Variants in CDH13 observed in about 807,000 individuals in gnomAD.
The protein encoded by CDH13 is cadherin-13.
Under a neutral mutation model 63.8 loss-of-function variants are expected in CDH13, and 24 were observed. The observed-to-expected ratio is 0.38, with a 90% CI of 0.27 to 0.53. The LOEUF (loss-of-function observed/expected upper bound fraction) is 0.53, where lower values mean the gene tolerates loss of function less well. CDH13 is among the 20% of genes least tolerant of loss of function. The pLI is 0.85. For missense variants in CDH13, 1,049 were observed against 903.1 expected, an observed-to-expected ratio of 1.16 and a Z score of -2.07; for synonymous variants, 503 against 355.3, an observed-to-expected ratio of 1.42 and a Z score of -4.67.
intron 2 of CDH13, among the ~76,000 whole-genome samples, chr16:83,025,728 G>A (rs1305250279): frequency 2.0e-5 from 3 of 152,080 alleles, no homozygotes; most frequent in African/African-American, 7.2e-5. Flanking sequence ...TCCCTTTCTT[G>A]GGGCACGGAA....
rs141065709 is a variant in CDH13, at chr16:83,693,153, G to A, written c.1538+14692G>A. ...GCCAGACTAGTGCCAGACTTCCTGA[G>A]CACAAATCCCCACTTGTCCATCTTC... On this transcript the variant is annotated intron_variant, in intron 10 of 13. Coordinates refer to ENST00000567109, the MANE Select transcript of CDH13 (RefSeq NM_001257.5). Among the ~76,000 whole-genome samples, 3 of 152,310 alleles carry A rather than the reference G, an allele frequency of 2.0e-5. No homozygotes were observed. In the East Asian group the frequency reaches 5.8e-4, roughly 29 times the overall value.
At chr16:82,838,144 C>G (rs1385211421) in intron 1 of CDH13, among the ~76,000 whole-genome samples, 4 of 152,228 alleles carry the variant, frequency 2.6e-5, no homozygotes, top group Non-Finnish European at 5.9e-5. Context: ...CCTGAGTTCT[C>G]CATGACCAAG....
intron 3 of CDH13, among the ~76,000 whole-genome samples, chr16:83,104,420 C>T (rs1567833239): frequency 6.6e-6 from 1 of 151,992 alleles, no homozygotes; most frequent in African/African-American, 2.4e-5. Flanking sequence ...AAACACAGAG[C>T]AGAGAGAAGA....
intron 5 of CDH13, among the ~76,000 whole-genome samples, chr16:83,271,351 C>T (rs1447326152): frequency 5.8e-5 from 8 of 138,176 alleles, no homozygotes; most frequent in African/African-American, 2.2e-4. Context: ...CTTATCCTGG[C>T]TTAAGGCCAC....
chr16:83,352,601 A>G (rs1161819739), intron 6 of CDH13, among the ~76,000 whole-genome samples: 4 of 152,232 alleles, frequency 2.6e-5, no homozygotes, highest in African/African-American at 9.6e-5. Context: ...ATATAAAAGT[A>G]TAAAATCAGC....
chr16:82,920,566 G>C (rs1279413740), intron 2 of CDH13, among the ~76,000 whole-genome samples: 1 of 152,216 alleles, frequency 6.6e-6, no homozygotes, highest in Non-Finnish European at 1.5e-5. Context: ...TGGGAACAAG[G>C]CAGTTTCCTA....
At chr16:83,352,780 C>T (rs936687160) in intron 6 of CDH13, among the ~76,000 whole-genome samples, 2 of 152,186 alleles carry the variant, frequency 1.3e-5, no homozygotes, top group Non-Finnish European at 2.9e-5. Flanking sequence ...GTCCCAGCTA[C>T]TCAAGATGCT....
intron 2 of CDH13, among the ~76,000 whole-genome samples, chr16:82,969,404 C>T (rs1908354685): frequency 6.6e-6 from 1 of 152,034 alleles, no homozygotes; most frequent in Non-Finnish European, 1.5e-5. Flanking sequence ...ATCTCTCCCA[C>T]CTCAAGGTCT....
rs151298808 is a variant in CDH13 at position 83,200,179 on chromosome 16, G to A, written c.484-17166G>A. On this transcript the variant is annotated intron_variant, in intron 4 of 13. Coordinates refer to ENST00000567109, the MANE Select transcript of CDH13 (RefSeq NM_001257.5). The stretch of plus-strand genomic sequence containing the variant: ...ATGTGGTGCTGATGGTCTTTGTAAC[G>A]CCTTAACAGGATGAGGGTGTGAGCC... Among the ~76,000 whole-genome samples, 9 of 152,228 alleles carry A rather than the reference G, an allele frequency of 5.9e-5. No individual in the cohort carries two copies. The East Asian group carries it at 7.7e-4, about 13-fold the overall frequency.
At chr16:83,604,637 T>C (rs1254427913) in intron 8 of CDH13, among the ~76,000 whole-genome samples, 2 of 152,316 alleles carry the variant, frequency 1.3e-5, no homozygotes, top group South Asian at 4.2e-4. Context: ...ATATGGCTTA[T>C]GGAGCTGGTG....
intron 2 of CDH13, among the ~76,000 whole-genome samples, chr16:83,027,108 C>T (rs1160928866): frequency 1.4e-5 from 2 of 143,892 alleles, no homozygotes; most frequent in African/African-American, 2.6e-5. Context: ...GGAGACCCCC[C>T]CCCCCCACCG....
chr16:82,964,450 A>C (rs1907514452), intron 2 of CDH13, among the ~76,000 whole-genome samples: 1 of 152,228 alleles, frequency 6.6e-6, no homozygotes, highest in Non-Finnish European at 1.5e-5. Context: ...TAGCCCATTA[A>C]ACCTCCAGGG....
In CDH13 at chr16:82,811,123, A is replaced by G. The variant is rs149496321; in HGVS notation, c.46-47239A>G. On this transcript the variant is annotated intron_variant, in intron 1 of 13. Transcript: ENST00000567109. ...AATAAAGAATTTGTCATAGATTAAT[A>G]GACAGGCATAGGTGTCCTGGAACTG... Among the ~76,000 whole-genome samples the G allele has an allele frequency of 3.6e-3, 552 of 152,298 alleles. 3 individuals carry two copies. The highest frequency in any genetic ancestry group is 0.012 in the African/African-American group (517 of 41,580).
At chr16:82,816,669 G>C (rs1357721899) in intron 1 of CDH13, among the ~76,000 whole-genome samples, 1 of 151,538 alleles carries the variant, frequency 6.6e-6, no homozygotes, top group African/African-American at 2.4e-5. Context: ...ATGGAGTGAG[G>C]GGGAGATAAT....
chr16:83,530,996 C>T lies in CDH13; in HGVS notation c.960+44341C>T, dbSNP rs561529808. Among the ~76,000 whole-genome samples, 7 of 152,270 alleles carry T rather than the reference C, an allele frequency of 4.6e-5. No homozygotes were observed. The South Asian group carries it at 1.0e-3, about 23-fold the overall frequency. On this transcript the variant is annotated intron_variant, in intron 7 of 13. Transcript: ENST00000567109. ...TGTCTCCACTCCTCCATTTCCTGTC[C>T]TCTAAAGGGGGAATGCTGGCAGTGT...
At chr16:82,951,230 A>G (rs540418750) in intron 2 of CDH13, among the ~76,000 whole-genome samples, 6 of 152,218 alleles carry the variant, frequency 3.9e-5, no homozygotes, top group South Asian at 4.2e-4. Flanking sequence ...TGGCAAGAGG[A>G]TATCTCCTTC....
intron 3 of CDH13, among the ~76,000 whole-genome samples, chr16:83,042,205 A>G (rs1917388513): frequency 6.6e-6 from 1 of 152,194 alleles, no homozygotes; most frequent in Admixed American, 6.5e-5. Context: ...GGCCTGTTAG[A>G]AACCGGGCTG....
At chr16:83,699,894 T>C (rs527809552) in intron 10 of CDH13, among the ~76,000 whole-genome samples, 3 of 152,314 alleles carry the variant, frequency 2.0e-5, no homozygotes, top group African/African-American at 7.2e-5. Flanking sequence ...CTCCAATTTC[T>C]CCCTCTCCTC....
chr16:82,707,004 A>C (rs1429697883), intron 1 of CDH13, among the ~76,000 whole-genome samples: 1 of 152,218 alleles, frequency 6.6e-6, no homozygotes, highest in Non-Finnish European at 1.5e-5. Flanking sequence ...GGAAAGGAAA[A>C]GGATAGTTAA....
Sources: gnomAD v4.1 joint callset for allele counts (sites outside exome capture counted in the v4.1 genomes callset) on GRCh38, gnomAD v4.1.1 for gene constraint, MANE v1.5 for transcripts, NCBI Gene and HGNC (gene_info 2026-07-23, HGNC 2026-07-21) for gene names.